Variants in SDF2 observed in about 807,000 individuals in gnomAD.
SDF2 encodes the protein stromal cell-derived factor 2.
Under a neutral mutation model 20.5 loss-of-function variants are expected in SDF2, and 12 were observed. The ratio of observed to expected loss-of-function variants is 0.58; its 90% CI spans 0.37 to 0.95. The LOEUF is 0.95. Ranked by LOEUF, SDF2 falls within the 40% of genes least tolerant of loss-of-function variation. SDF2 has a pLI of 0.01. For missense variants in SDF2, 238 were observed against 263.1 expected (o/e 0.90, Z 0.66); for synonymous variants, 100 against 101.0 (o/e 0.99, Z 0.06).
At chr17:28,655,186 G>A (rs1343726143) in intron 2 of SDF2, 101 bp downstream of exon 2, 1 of 1,147,302 alleles carries the variant, frequency 8.7e-7, no homozygotes, top group African/African-American at 1.5e-5. Context: ...GCACAAAAGA[G>A]AACATCTACA....
At position 28,649,291 on chromosome 17, in the gene SDF2, AG is replaced by A. The variant is rs768822807; in HGVS notation, c.349-16del. ...GCACTCACTTCCTAGAAAATACAGA[AG>A]GTAGTAACATCAGCATGGCTGACAA... On this transcript the variant is annotated splice_polypyrimidine_tract_variant and intron_variant, in intron 2 of 2. Transcript: ENST00000247020. The A allele has an allele frequency of 6.2e-7, 1 of 1,610,426 alleles. No individual in the cohort carries two copies. The highest frequency in any genetic ancestry group is 8.5e-7 in the Non-Finnish European group (1 of 1,178,268).
At chr17:28,656,577 G>A (rs993532687) in intron 1 of SDF2, among the ~76,000 whole-genome samples, 2 of 152,046 alleles carry the variant, frequency 1.3e-5, no homozygotes, top group Non-Finnish European at 2.9e-5. Context: ...GACAGAGCCA[G>A]ACTCCGTCTC....
At chr17:28,661,995 G>A (rs2072057128), upstream of SDF2, 11 of 1,235,278 alleles carry the variant, frequency 8.9e-6, no homozygotes, top group Non-Finnish European at 3.4e-6. Context: ...TGATCTTTAT[G>A]GTTTATTTGA....
chr17:28,659,677 C>A (rs909996538), intron 1 of SDF2, among the ~76,000 whole-genome samples: 1 of 140,986 alleles, frequency 7.1e-6, no homozygotes, highest in Non-Finnish European at 1.5e-5. Flanking sequence ...ACATCCCAGA[C>A]AGGGTGATGG....
chr17:28,654,677 C>T (rs1299452661), intron 2 of SDF2, among the ~76,000 whole-genome samples: 6 of 151,816 alleles, frequency 4.0e-5, no homozygotes, highest in South Asian at 4.2e-4. Flanking sequence ...TCAGGCCAGG[C>T]GCGGTGACTT....
intron 1 of SDF2, among the ~76,000 whole-genome samples, chr17:28,658,542 C>T (rs894446717): frequency 6.6e-6 from 1 of 152,214 alleles, no homozygotes; most frequent in African/African-American, 2.4e-5. Context: ...TGAGTTGACA[C>T]AGCACACGTT....
chr17:28,652,296 G>A (rs2071921410), intron 2 of SDF2, among the ~76,000 whole-genome samples: 1 of 151,934 alleles, frequency 6.6e-6, no homozygotes, highest in Non-Finnish European at 1.5e-5. Flanking sequence ...AGCACACACA[G>A]GTAACAATTC....
intron 2 of SDF2, among the ~76,000 whole-genome samples, chr17:28,653,471 G>A (rs2071930839): frequency 6.6e-6 from 1 of 152,194 alleles, no homozygotes; most frequent in Admixed American, 6.5e-5. Context: ...AATGAGACAT[G>A]GCAAGTATAT....
rs369485747 is a variant in SDF2 at position 28,648,956 on chromosome 17, T to C, written c.*33A>G. The C allele has an allele frequency of 1.9e-5, 30 of 1,603,524 alleles. No homozygotes were observed. The highest frequency in any genetic ancestry group is 6.7e-5 in the African/African-American group (5 of 74,670). On this transcript the variant is annotated 3_prime_UTR_variant, in exon 3 of 3. Coordinates refer to ENST00000247020, the MANE Select transcript of SDF2 (RefSeq NM_006923.4). ...AGGCAGCAACAGATGTCTGTGAACA[T>C]TGTGCGTTAACAGTGGCTCAGAGCC...
Position 28,648,471 on chromosome 17 carries a change from A to G in SDF2, c.*518T>C, listed in dbSNP as rs911111337. The G allele has an allele frequency of 6.5e-6, 1 of 155,014 alleles. No homozygotes were observed. Among genetic ancestry groups the G allele is most frequent in the African/African-American group, 2.4e-5 (1 of 41,472 alleles). 9.6% of individuals were successfully genotyped at this position (155,014 alleles called of 1,614,324 possible). A position where few individuals can be genotyped will look rare whatever the true frequency, so the allele number is the denominator to read the frequency against. ...GTAGAGGGAGAAAAGGTTTGTATGC[A>G]AGAAAAGCTCTTAAAAGGGCCCACA... On this transcript the variant is annotated 3_prime_UTR_variant, in exon 3 of 3. Coordinates refer to ENST00000247020, the MANE Select transcript of SDF2 (RefSeq NM_006923.4).
At chr17:28,649,786 T>C (rs1011263043) in intron 2 of SDF2, among the ~76,000 whole-genome samples, 1 of 148,046 alleles carries the variant, frequency 6.8e-6, no homozygotes, top group Non-Finnish European at 1.5e-5. Context: ...TGGTGGCACA[T>C]GCCTATGGTA....
chr17:28,662,167 C>G, upstream of SDF2: 1 of 314,394 alleles, frequency 3.2e-6, no homozygotes, highest in East Asian at 5.7e-5. Flanking sequence ...AATGGCCCGC[C>G]CACTCCCGGT....
At chr17:28,661,106 A>AAAAAT in intron 1 of SDF2, 1 of 393,364 alleles carries the variant, frequency 2.5e-6, no homozygotes, top group Non-Finnish European at 4.8e-6. Context: ...AAAAAAAAGC[A>AAAAAT]GTTTTCTCTG....
intron 1 of SDF2, chr17:28,661,185 A>G: frequency 2.2e-6 from 1 of 454,938 alleles, no homozygotes; most frequent in South Asian, 1.6e-5. Context: ...GGGGCCAAAG[A>G]TGGAAACTGA....
upstream of SDF2, chr17:28,661,980 G>T: frequency 3.0e-6 from 4 of 1,338,498 alleles, no homozygotes; most frequent in Non-Finnish European, 4.1e-6. Context: ...GAAGAAGCCC[G>T]AGTCTGATCT....
At position 28,661,851 on chromosome 17, in the gene SDF2, A is replaced by G. The variant is rs1386519247; in HGVS notation, c.26T>C (p.Leu9Ser). Residue 9 changes from leucine (L) to serine (S), a missense_variant, in exon 1 of 3, where the codon TTG becomes TCG. By Grantham distance (145) the Leu-to-Ser change is moderately radical (BLOSUM62 -2). Coordinates refer to ENST00000247020, the MANE Select transcript of SDF2 (RefSeq NM_006923.4). Reference sequence around the variant, plus strand: ...TCCCACAGCGCTCCACAAACCCCCCAACAACAGCAGAGGTACTACAGCCAT... The same window carrying G: ...TCCCACAGCGCTCCACAAACCCCCCGACAACAGCAGAGGTACTACAGCCAT... MAVVPLLLLGGLWSAVGAS... is the reference protein window; with the variant it reads MAVVPLLLSGGLWSAVGAS... 6.2e-7 allele frequency: 1 copy of G among 1,613,842 alleles called. No individual in the cohort carries two copies. The highest frequency in any genetic ancestry group is 1.7e-5 in the Admixed American group (1 of 60,000).
chr17:28,657,621 T>A (rs2071976202), intron 1 of SDF2: 1 of 151,916 alleles, frequency 6.6e-6, no homozygotes, highest in Non-Finnish European at 1.5e-5. Flanking sequence ...TACTCTCGAA[T>A]TCCTGGGCTC....
intron 1 of SDF2, among the ~76,000 whole-genome samples, chr17:28,656,502 C>T (rs1048863233): frequency 6.6e-6 from 1 of 151,918 alleles, no homozygotes; most frequent in Admixed American, 6.6e-5. Context: ...GTGGGAGAAT[C>T]GCTTGAACCC....
intron 2 of SDF2, among the ~76,000 whole-genome samples, chr17:28,651,089 G>C (rs2071911225): frequency 6.6e-6 from 1 of 151,886 alleles, no homozygotes; most frequent in African/African-American, 2.4e-5. Flanking sequence ...TTACTTTTTT[G>C]AGACAGCATC....
Sources: allele counts gnomAD v4.1 joint callset (sites outside exome capture counted in the v4.1 genomes callset), GRCh38; gene constraint gnomAD v4.1.1; transcripts MANE v1.5; gene names NCBI Gene and HGNC (gene_info 2026-07-23, HGNC 2026-07-21).